The following DCHS2 variants were observed in gnomAD, a reference collection of about 807,000 sequenced individuals.
DCHS2 encodes dachsous cadherin-related 2, also known as protocadherin-23.
A neutral mutation model predicts 182.4 loss-of-function variants in DCHS2; 142 were observed. That is an observed-to-expected ratio of 0.78 (90% confidence interval 0.68 to 0.89). The LOEUF (loss-of-function observed/expected upper bound fraction) is 0.89. Among genes scored for constraint, DCHS2 ranks in the 40% least tolerant of loss-of-function variants. DCHS2 has a pLI of 0.00. For synonymous variants in DCHS2, 1,740 were observed against 1,663.3 expected, an observed-to-expected ratio of 1.05 and a Z score of -1.12; for missense variants, 4,319 against 4,198.6, an observed-to-expected ratio of 1.03 and a Z score of -0.79.
intron 1 of DCHS2, among the ~76,000 whole-genome samples, chr4:154,477,558 C>G (rs967318937): frequency 6.6e-6 from 1 of 152,030 alleles, no homozygotes; most frequent in Non-Finnish European, 1.5e-5. Context: ...TGCAAAGCCA[C>G]GGAAGGTGCT....
At chr4:154,406,260 C>A (rs1732396500) in intron 1 of DCHS2, among the ~76,000 whole-genome samples, 1 of 152,240 alleles carries the variant, frequency 6.6e-6, no homozygotes. Flanking sequence ...TAGCACTCTA[C>A]CCACAAAGCT....
intron 1 of DCHS2, among the ~76,000 whole-genome samples, chr4:154,410,189 G>T (rs1732567117): frequency 6.6e-6 from 1 of 151,872 alleles, no homozygotes. Context: ...TTTATAAATT[G>T]CCTGAAAAAA....
intron 1 of DCHS2, among the ~76,000 whole-genome samples, chr4:154,426,489 G>T (rs769044948): frequency 9.2e-5 from 14 of 152,106 alleles, no homozygotes; most frequent in Non-Finnish European, 1.6e-4. Context: ...TCCGCATAAG[G>T]TTATATATGA....
At chr4:154,418,775 T>C (rs1732976382) in intron 1 of DCHS2, among the ~76,000 whole-genome samples, 1 of 152,238 alleles carries the variant, frequency 6.6e-6, no homozygotes, top group South Asian at 2.1e-4. Context: ...TGTAATTATG[T>C]AGGTATGACT....
chr4:154,284,818 T>G (rs1331249024), intron 13 of DCHS2, among the ~76,000 whole-genome samples: 2 of 152,136 alleles, frequency 1.3e-5, no homozygotes, highest in Non-Finnish European at 2.9e-5. Flanking sequence ...AGGACCACAA[T>G]TCCTGGATAA....
Position 154,466,882 on chromosome 4 carries a change from C to T in DCHS2, c.2052+22422G>A, listed in dbSNP as rs140024642. Among the ~76,000 whole-genome samples, 541 of 152,278 alleles carry T rather than the reference C, an allele frequency of 3.6e-3. 1 individual carries two copies. Among genetic ancestry groups the T allele is most frequent in the Non-Finnish European group, 5.4e-3 (369 of 68,022 alleles). On this transcript the variant is annotated intron_variant, in intron 1 of 19. Transcript: ENST00000357232. The stretch of plus-strand genomic sequence containing the variant: ...GGTTTAACTAGATTTTACTCTAATT[C>T]CTTTTCTATTTTAGCTTCCTTTACT...
chr4:154,452,840 G>A (rs929911667), intron 1 of DCHS2, among the ~76,000 whole-genome samples: 7 of 152,150 alleles, frequency 4.6e-5, no homozygotes, highest in Non-Finnish European at 1.0e-4. Context: ...ATAGAACCAG[G>A]CAGCTGGAAG....
At chr4:154,238,271 C>T (rs369663126) in intron 19 of DCHS2, among the ~76,000 whole-genome samples, 3 of 152,176 alleles carry the variant, frequency 2.0e-5, no homozygotes, top group Admixed American at 2.0e-4. Context: ...GGACGTACTT[C>T]TCCATTTACA....
intron 16 of DCHS2, among the ~76,000 whole-genome samples, chr4:154,252,007 T>TG (rs1356858395): frequency 1.9e-3 from 292 of 152,294 alleles, no homozygotes; most frequent in Middle Eastern, 3.4e-3. Context: ...AAACTAAAAA[T>TG]TATTTAATAC....
Position 154,235,219 on chromosome 4 carries a change from G to A in DCHS2, c.9433C>T (p.Leu3145=), listed in dbSNP as rs763448372. ...ACCATCACATCAGTTTCCCCAGATA[G>A]GCAGGAGAGCTGGTCTGAGTCCCTC... ...IPRDSDQLSC[L]SGETDVMVTA... The change falls in exon 20 of 20, where the codon CTA becomes TTA. Residue 3145 remains leucine (L), a synonymous_variant. Coordinates refer to ENST00000357232, the MANE Select transcript of DCHS2 (RefSeq NM_001358235.2). 1.9e-6 allele frequency: 3 copies of A among 1,614,020 alleles called. No homozygotes were observed. The highest frequency in any genetic ancestry group is 4.5e-5 in the East Asian group (2 of 44,852).
intron 13 of DCHS2, among the ~76,000 whole-genome samples, chr4:154,275,371 A>G (rs1561004002): frequency 6.6e-6 from 1 of 152,162 alleles, no homozygotes; most frequent in Non-Finnish European, 1.5e-5. Flanking sequence ...AGGATTTCCA[A>G]ACGGTTATTC....
intron 13 of DCHS2, among the ~76,000 whole-genome samples, chr4:154,285,321 G>C (rs1248190637): frequency 2.0e-5 from 3 of 151,998 alleles, no homozygotes; most frequent in Non-Finnish European, 2.9e-5. Context: ...TGGCTATGGG[G>C]AGAGACCCTT....
At chr4:154,238,046 G>A (rs1017868748) in intron 19 of DCHS2, among the ~76,000 whole-genome samples, 1 of 152,000 alleles carries the variant, frequency 6.6e-6, no homozygotes, top group Non-Finnish European at 1.5e-5. Context: ...GTGTTGCTAA[G>A]GATTGAGTGC....
rs1734771315 is a variant in DCHS2, at chr4:154,456,445, A to G, written c.2052+32859T>C. ...AGAAGATAAGCACACAGAGAGAGGA[A>G]CCCAACAGTGGAGCTCCAGATGCTA... is the stretch of plus-strand genomic sequence containing the variant. On this transcript the variant is annotated intron_variant, in intron 1 of 19. Transcript: ENST00000357232. 2.0e-5 allele frequency among the ~76,000 whole-genome samples: 3 copies of G among 152,190 alleles called. 1 individual carries two copies. In the South Asian group the frequency reaches 6.2e-4, roughly 32 times the overall value.
chr4:154,437,972 G>A (rs2110949130), intron 1 of DCHS2, among the ~76,000 whole-genome samples: 1 of 152,118 alleles, frequency 6.6e-6, no homozygotes, highest in African/African-American at 2.4e-5. Flanking sequence ...AGGAGTTCGA[G>A]ACCAGCCTGG....
At chr4:154,259,500 C>T in intron 15 of DCHS2, 45 bp downstream of exon 15, 1 of 1,410,300 alleles carries the variant, frequency 7.1e-7, no homozygotes, top group Non-Finnish European at 9.7e-7. Context: ...ACAGACACAC[C>T]CACACACACA....
At chr4:154,334,838 T>C in intron 4 of DCHS2, 30 bp downstream of exon 4, 5 of 1,516,220 alleles carry the variant, frequency 3.3e-6, no homozygotes, top group Non-Finnish European at 4.6e-6. Flanking sequence ...AATAATGGAA[T>C]TCCATGCAGC....
rs76715569 is a variant in DCHS2 at position 154,479,392 on chromosome 4, A to T, written c.2052+9912T>A. ...AAAAGAAAGAATAGAGCAGAAAAAA[A>T]TATTTTAAAATAAAGAAAAAGCACT... On this transcript the variant is annotated intron_variant, in intron 1 of 19. Transcript: ENST00000357232. Among the ~76,000 whole-genome samples, 286 of 152,196 alleles carry T rather than the reference A, an allele frequency of 1.9e-3. 6 individuals are homozygous for T. The East Asian group carries it at 0.045, about 24-fold the overall frequency.
intron 1 of DCHS2, among the ~76,000 whole-genome samples, chr4:154,475,032 C>G (rs1400656341): frequency 6.6e-6 from 1 of 152,004 alleles, no homozygotes; most frequent in Non-Finnish European, 1.5e-5. Context: ...TATATTATTT[C>G]TGATAATCTA....
Sources: allele counts gnomAD v4.1 joint callset (sites outside exome capture counted in the v4.1 genomes callset), GRCh38; gene constraint gnomAD v4.1.1; transcripts MANE v1.5; gene names NCBI Gene and HGNC (gene_info 2026-07-23, HGNC 2026-07-21).